RNF13: variants seen among roughly 807,000 people sequenced by gnomAD.
RNF13 encodes ring finger protein 13.
RNF13 carries 19 observed loss-of-function variants against 37.7 expected under a neutral mutation model. That is an observed-to-expected ratio of 0.50 (90% confidence interval 0.35 to 0.74). The LOEUF is 0.74. RNF13 is among the 30% of genes least tolerant of loss of function. The probability of loss-of-function intolerance (pLI) is 0.01; values close to 1 mark genes in which losing one functional copy is unlikely to be tolerated. For synonymous variants in RNF13, 144 were observed against 157.8 expected (o/e 0.91, Z 0.65); for missense variants, 375 against 453.0 (o/e 0.83, Z 1.56).
intron 1 of RNF13, among the ~76,000 whole-genome samples, chr3:149,833,200 A>G (rs1397109863): frequency 6.8e-6 from 1 of 146,842 alleles, no homozygotes; most frequent in Non-Finnish European, 1.5e-5. Context: ...GCTCACTGCA[A>G]CCTCTGCCTC....
At chr3:149,826,098 A>G (rs1484867361) in intron 1 of RNF13, among the ~76,000 whole-genome samples, 2 of 152,186 alleles carry the variant, frequency 1.3e-5, no homozygotes, top group African/African-American at 4.8e-5. Context: ...TCCAGCAGAT[A>G]GATCTGAAAT....
intron 1 of RNF13, among the ~76,000 whole-genome samples, chr3:149,836,231 T>C (rs953674687): frequency 6.6e-6 from 1 of 152,124 alleles, no homozygotes; most frequent in Non-Finnish European, 1.5e-5. Context: ...CACTTTTTGA[T>C]GGGATTGTTA....
intron 8 of RNF13, among the ~76,000 whole-genome samples, chr3:149,942,422 T>G (rs1054196219): frequency 2.6e-5 from 4 of 152,216 alleles, no homozygotes; most frequent in Non-Finnish European, 5.9e-5. Context: ...AAGCTCAAGC[T>G]TATTCCAAAG....
At chr3:149,826,972 G>C (rs1720564981) in intron 1 of RNF13, among the ~76,000 whole-genome samples, 1 of 152,072 alleles carries the variant, frequency 6.6e-6, no homozygotes, top group African/African-American at 2.4e-5. Flanking sequence ...TGGCCAGGGT[G>C]GTCTTGAACT....
intron 1 of RNF13, among the ~76,000 whole-genome samples, chr3:149,833,938 A>G (rs1721324456): frequency 6.6e-6 from 1 of 152,236 alleles, no homozygotes; most frequent in Non-Finnish European, 1.5e-5. Flanking sequence ...CAGGATACAA[A>G]ATCACACACA....
intron 8 of RNF13, among the ~76,000 whole-genome samples, chr3:149,934,297 A>G (rs1036763977): frequency 3.9e-5 from 6 of 152,046 alleles, no homozygotes; most frequent in African/African-American, 1.4e-4. Flanking sequence ...TATCTTTTCA[A>G]AAAACAATTT....
intron 8 of RNF13, among the ~76,000 whole-genome samples, chr3:149,950,879 T>C (rs1429417161): frequency 2.6e-5 from 4 of 152,144 alleles, no homozygotes; most frequent in African/African-American, 4.8e-5. Context: ...TGGCGGGAGC[T>C]GGAGTTGGGT....
chr3:149,944,032 G>C (rs763539703), intron 8 of RNF13, among the ~76,000 whole-genome samples: 6 of 151,894 alleles, frequency 4.0e-5, no homozygotes, highest in African/African-American at 1.5e-4. Context: ...TCATCATTCA[G>C]TTCCCACCTA....
chr3:149,920,790 C>CTTTTTTTTTTTTTTTTTTTTT (rs34551883), intron 7 of RNF13, among the ~76,000 whole-genome samples: 1 of 124,028 alleles, frequency 8.1e-6, no homozygotes, highest in African/African-American at 3.0e-5. Context: ...CCTTCCCATT[C>CTTTTTTTTTTTTTTTTTTTTT]TTTTTTTTTT....
chr3:149,926,754 C>T (rs1718694221), intron 8 of RNF13, among the ~76,000 whole-genome samples: 2 of 152,050 alleles, frequency 1.3e-5, no homozygotes, highest in African/African-American at 4.8e-5. Flanking sequence ...AAATTAAGGT[C>T]CAGATATGTG....
chr3:149,945,490 G>C (rs982662495), intron 8 of RNF13, among the ~76,000 whole-genome samples: 1 of 152,156 alleles, frequency 6.6e-6, no homozygotes, highest in Non-Finnish European at 1.5e-5. Flanking sequence ...CACCTCTGGG[G>C]GCAGGGTATA....
intron 4 of RNF13, among the ~76,000 whole-genome samples, chr3:149,885,411 G>A (rs1713913652): frequency 6.6e-6 from 1 of 151,744 alleles, no homozygotes; most frequent in Admixed American, 6.6e-5. Flanking sequence ...GTTTTTTTTG[G>A]ATAAAAGCAT....
chr3:149,848,398 A>G (rs1722837450), intron 2 of RNF13, among the ~76,000 whole-genome samples: 1 of 152,182 alleles, frequency 6.6e-6, no homozygotes, highest in Admixed American at 6.5e-5. Flanking sequence ...GCTGGAGGGG[A>G]GTGGCTTGTG....
intron 6 of RNF13, among the ~76,000 whole-genome samples, chr3:149,907,109 C>G (rs2108510640): frequency 6.6e-6 from 1 of 152,264 alleles, no homozygotes; most frequent in South Asian, 2.1e-4. Flanking sequence ...ATTTGTACAG[C>G]TGAAAGCTCA....
chr3:149,854,608 C>G (rs1190208865), intron 3 of RNF13, among the ~76,000 whole-genome samples: 1 of 152,162 alleles, frequency 6.6e-6, no homozygotes, highest in African/African-American at 2.4e-5. Flanking sequence ...TAAACTGTTA[C>G]AGGAATAAAA....
intron 4 of RNF13, among the ~76,000 whole-genome samples, chr3:149,887,076 G>A (rs2108474271): frequency 6.6e-6 from 1 of 152,226 alleles, no homozygotes; most frequent in South Asian, 2.1e-4. Flanking sequence ...AAGAGGACAG[G>A]AGAAACAGAC....
intron 1 of RNF13, among the ~76,000 whole-genome samples, chr3:149,830,943 G>A (rs1450771797): frequency 6.6e-6 from 1 of 152,242 alleles, no homozygotes; most frequent in African/African-American, 2.4e-5. Context: ...TACAGTTTGG[G>A]TCCTGGCTTC....
Position 149,815,481 on chromosome 3 carries a change from G to C in RNF13, c.-17+2128G>C, listed in dbSNP as rs115719534. Among the ~76,000 whole-genome samples, 1,100 of 152,256 alleles carry C rather than the reference G, an allele frequency of 7.2e-3. 11 individuals are homozygous for C. The highest frequency in any genetic ancestry group is 0.025 in the African/African-American group (1,042 of 41,546). On this transcript the variant is annotated intron_variant, in intron 1 of 9. Coordinates refer to ENST00000392894, the MANE Select transcript of RNF13 (RefSeq NM_183381.3). Reference sequence around the variant, plus strand: ...GTCAAAACAGTGTTTTGCACCATTTGTCATGTTTACCATATGGCATTGCAT... The same window carrying C: ...GTCAAAACAGTGTTTTGCACCATTTCTCATGTTTACCATATGGCATTGCAT...
At chr3:149,825,181 C>T (rs894564909) in intron 1 of RNF13, among the ~76,000 whole-genome samples, 1 of 149,410 alleles carries the variant, frequency 6.7e-6, no homozygotes, top group African/African-American at 2.5e-5. Flanking sequence ...CTCCAGCAAC[C>T]CTTTTTTTTT....
Sources: allele counts gnomAD v4.1 joint callset (sites outside exome capture counted in the v4.1 genomes callset), GRCh38; gene constraint gnomAD v4.1.1; transcripts MANE v1.5; gene names NCBI Gene and HGNC (gene_info 2026-07-23, HGNC 2026-07-21).